The following SLIT3 variants were observed in gnomAD, a reference collection of about 807,000 sequenced individuals.
The protein encoded by SLIT3 is slit guidance ligand 3.
SLIT3 carries 68 observed loss-of-function variants against 184.0 expected under a neutral mutation model. The ratio of observed to expected loss-of-function variants is 0.37; its 90% confidence interval spans 0.30 to 0.45. SLIT3 has a LOEUF of 0.45. Among genes scored for constraint, SLIT3 ranks in the 20% least tolerant of loss-of-function variants. The probability of loss-of-function intolerance (pLI) is 1.00; values close to 1 mark genes in which losing one functional copy is unlikely to be tolerated. For synonymous variants in SLIT3, 831 were observed against 828.6 expected (o/e 1.00, Z -0.05); for missense variants, 1,707 against 2,026.0 (o/e 0.84, Z 3.02).
Position 169,084,306 on chromosome 5 carries a change from GAC to G in SLIT3, c.413+109171_413+109172del, listed in dbSNP as rs202192671. Reference sequence around the variant, plus strand: ...TTTCTTTTCTTTTTTTTTTTTTTGAGACAGTTTCGCTCTTGTTGCCCAGTCTG... The same window carrying G: ...TTTCTTTTCTTTTTTTTTTTTTTGAGAGTTTCGCTCTTGTTGCCCAGTCTG... On this transcript the variant is annotated intron_variant, in intron 4 of 35. Transcript: ENST00000519560. Among the ~76,000 whole-genome samples the G allele has an allele frequency of 6.5e-3, 956 of 146,776 alleles. 8 individuals are homozygous for G. Among genetic ancestry groups the G allele is most frequent in the African/African-American group, 0.023 (901 of 39,452 alleles).
chr5:168,929,859 G>T (rs985829217), intron 4 of SLIT3, among the ~76,000 whole-genome samples: 1 of 152,248 alleles, frequency 6.6e-6, no homozygotes, highest in Admixed American at 6.5e-5. Context: ...CACAGCAGAG[G>T]AGGCGGGTGT....
At chr5:169,068,909 G>A (rs1758448112) in intron 4 of SLIT3, among the ~76,000 whole-genome samples, 1 of 152,090 alleles carries the variant, frequency 6.6e-6, no homozygotes, top group African/African-American at 2.4e-5. Context: ...AAGTAGTGGT[G>A]ACTTAGTGGC....
intron 33 of SLIT3, among the ~76,000 whole-genome samples, chr5:168,672,543 A>G (rs1036393352): frequency 5.9e-5 from 9 of 152,082 alleles, no homozygotes; most frequent in East Asian, 1.9e-4. Flanking sequence ...TGGCACAATC[A>G]TGGCTCACTG....
chr5:168,698,227 C>G (rs1267906563), intron 27 of SLIT3, among the ~76,000 whole-genome samples: 1 of 152,172 alleles, frequency 6.6e-6, no homozygotes, highest in South Asian at 2.1e-4. Flanking sequence ...GTGTTCCCCC[C>G]AAAAAAGATA....
intron 4 of SLIT3, among the ~76,000 whole-genome samples, chr5:169,168,520 G>T (rs1447479191): frequency 1.3e-5 from 2 of 152,166 alleles, no homozygotes; most frequent in African/African-American, 2.4e-5. Flanking sequence ...TGTGCACTGT[G>T]CTGGGAGCTC....
intron 20 of SLIT3, among the ~76,000 whole-genome samples, chr5:168,743,210 G>A (rs1471754999): frequency 6.6e-6 from 1 of 152,010 alleles, no homozygotes; most frequent in Non-Finnish European, 1.5e-5. Flanking sequence ...TTGTTTTATT[G>A]CACTTTGCTT....
At position 168,844,627 on chromosome 5, in the gene SLIT3, T is replaced by C. The variant is rs1479807969; in HGVS notation, c.514A>G (p.Ile172Val). 2.5e-6 allele frequency: 4 copies of C among 1,614,194 alleles called. No individual in the cohort carries two copies. The African/African-American group carries it at 5.3e-5, about 22-fold the overall frequency. ...LQLDNNHISC[I>V]EDGAFRALRD... ...AGCGCTCGGAAGGCTCCATCTTCAA[T>C]GCAGCTGATGTGGTTGTTGTCCAGT... Residue 172 changes from isoleucine (I) to valine (V), a missense_variant, in exon 6 of 36, where the codon ATT becomes GTT. Coordinates refer to ENST00000519560, the MANE Select transcript of SLIT3 (RefSeq NM_003062.4).
At chr5:168,905,086 C>A (rs373513991) in intron 4 of SLIT3, among the ~76,000 whole-genome samples, 110 of 152,092 alleles carry the variant, frequency 7.2e-4, no homozygotes, top group African/African-American at 2.4e-3. Context: ...CTGAGACAGG[C>A]GAATTGCTCG....
At chr5:168,884,412 C>CTG (rs1760091424) in intron 4 of SLIT3, among the ~76,000 whole-genome samples, 1 of 54,470 alleles carries the variant, frequency 1.8e-5, no homozygotes, top group East Asian at 5.2e-4. Context: ...TAAAAGGTGT[C>CTG]TCTCTCTCTC....
At chr5:169,008,073 A>G (rs1219905910) in intron 4 of SLIT3, among the ~76,000 whole-genome samples, 1 of 152,174 alleles carries the variant, frequency 6.6e-6, no homozygotes, top group East Asian at 1.9e-4. Flanking sequence ...ATAGACTCCC[A>G]GCTCTATGTG....
intron 4 of SLIT3, among the ~76,000 whole-genome samples, chr5:169,166,191 T>G (rs536813927): frequency 1.3e-5 from 2 of 152,202 alleles, no homozygotes; most frequent in African/African-American, 4.8e-5. Flanking sequence ...CTGCCTTTGT[T>G]TTTTAGCCGT....
chr5:168,967,653 G>A (rs1457035747), intron 4 of SLIT3, among the ~76,000 whole-genome samples: 1 of 139,118 alleles, frequency 7.2e-6, no homozygotes, highest in Admixed American at 7.0e-5. Flanking sequence ...TTTTAGCCGG[G>A]ATGGTCTCGA....
intron 4 of SLIT3, chr5:169,013,443 A>C (rs1295766526): frequency 6.6e-6 from 1 of 152,224 alleles, no homozygotes; most frequent in Non-Finnish European, 1.5e-5. Flanking sequence ...GGGGAAGCCG[A>C]AATGGAGCAA....
At chr5:168,684,979 C>G (rs980370792) in intron 31 of SLIT3, among the ~76,000 whole-genome samples, 2 of 150,668 alleles carry the variant, frequency 1.3e-5, no homozygotes, top group African/African-American at 4.9e-5. Context: ...GAGACAGAGT[C>G]CTGCCCTGTT....
chr5:168,671,827 A>G (rs1049708289), intron 33 of SLIT3, among the ~76,000 whole-genome samples: 3 of 152,162 alleles, frequency 2.0e-5, no homozygotes, highest in East Asian at 1.9e-4. Flanking sequence ...GTTCCCCCCA[A>G]TAGGCAAGTG....
chr5:169,028,605 C>T (rs1204412353), intron 4 of SLIT3, among the ~76,000 whole-genome samples: 1 of 152,242 alleles, frequency 6.6e-6, no homozygotes, highest in East Asian at 1.9e-4. Flanking sequence ...ATTATTCAGG[C>T]AGTCTAACAA....
chr5:169,291,428 C>T (rs138407119), intron 1 of SLIT3, among the ~76,000 whole-genome samples: 5 of 152,332 alleles, frequency 3.3e-5, no homozygotes, highest in Non-Finnish European at 7.4e-5. Flanking sequence ...CTGTTCTAAA[C>T]ATCCCCATGA....
intron 5 of SLIT3, among the ~76,000 whole-genome samples, chr5:168,880,325 C>T (rs1037673650): frequency 2.6e-5 from 4 of 152,244 alleles, no homozygotes; most frequent in Non-Finnish European, 5.9e-5. Flanking sequence ...CCATGCTCCT[C>T]GCAGTCAAGG....
At chr5:169,251,489 T>C in intron 1 of SLIT3, 30 bp from the exon 2 acceptor site, 1 of 1,482,540 alleles carries the variant, frequency 6.7e-7, no homozygotes, top group Non-Finnish European at 9.4e-7. Flanking sequence ...CAGGTCAGAT[T>C]TTTGTGGGTT....
Sources: gnomAD v4.1 joint callset for allele counts (sites outside exome capture counted in the v4.1 genomes callset) on GRCh38, gnomAD v4.1.1 for gene constraint, MANE v1.5 for transcripts, NCBI Gene and HGNC (gene_info 2026-07-23, HGNC 2026-07-21) for gene names.